CCDC30: variants seen among roughly 807,000 people sequenced by gnomAD.
CCDC30 encodes the protein coiled-coil domain-containing protein 30.
A neutral mutation model predicts 100.2 loss-of-function variants in CCDC30; 70 were observed. The observed-to-expected ratio is 0.70, with a 90% CI of 0.58 to 0.85. The LOEUF (loss-of-function observed/expected upper bound fraction) is 0.85, where lower values mean the gene tolerates loss of function less well. Ranked by LOEUF, CCDC30 falls within the 40% of genes least tolerant of loss-of-function variation. CCDC30 has a pLI of 0.00. For missense variants in CCDC30, 652 were observed against 771.2 expected (o/e 0.85, Z 1.83); for synonymous variants, 233 against 269.5 (o/e 0.86, Z 1.33).
intron 6 of CCDC30, among the ~76,000 whole-genome samples, chr1:42,501,452 A>C (rs930850251): frequency 6.6e-6 from 1 of 152,158 alleles, no homozygotes. Context: ...TCTTCTCTCA[A>C]CTCATCAAAG....
chr1:42,466,373 G>C (rs1185577603), intron 1 of CCDC30, among the ~76,000 whole-genome samples: 1 of 152,098 alleles, frequency 6.6e-6, no homozygotes, highest in Non-Finnish European at 1.5e-5. Context: ...TCCTCTTCTC[G>C]TTTAAAATTC....
chr1:42,590,875 G>C (rs1410981421), intron 10 of CCDC30: 1 of 152,192 alleles, frequency 6.6e-6, no homozygotes. Context: ...TTGGGAACTG[G>C]AATAAACGTC....
Position 42,647,792 on chromosome 1 carries a change from C to A in CCDC30, c.1854+1475C>A, listed in dbSNP as rs181445779. 2.0e-3 allele frequency among the ~76,000 whole-genome samples: 311 copies of A among 152,162 alleles called. 1 individual carries two copies. Among genetic ancestry groups the A allele is most frequent in the Non-Finnish European group, 3.1e-3 (210 of 67,994 alleles). ...AAAAACCTTGGAAACTACACAAACA[C>A]ATGGAAATAAAACAACATATTCCCA... is the stretch of plus-strand genomic sequence containing the variant. On this transcript the variant is annotated intron_variant, in intron 15 of 16. Coordinates refer to ENST00000668663, the Ensembl canonical transcript of CCDC30.
chr1:42,468,155 G>A (rs577998169), intron 1 of CCDC30, among the ~76,000 whole-genome samples: 1 of 152,206 alleles, frequency 6.6e-6, no homozygotes, highest in East Asian at 1.9e-4. Context: ...GTTGTGTGAG[G>A]GACAGAAAGC....
At chr1:42,623,671 T>C (rs972804809) in intron 11 of CCDC30, among the ~76,000 whole-genome samples, 2 of 152,170 alleles carry the variant, frequency 1.3e-5, no homozygotes, top group African/African-American at 4.8e-5. Context: ...TAATGTGATT[T>C]CTCCAGTTTT....
chr1:42,593,806 CTT>C (rs1418175456), intron 10 of CCDC30: 1 of 152,276 alleles, frequency 6.6e-6, no homozygotes, highest in African/African-American at 2.4e-5. Context: ...AGAAAAATGA[CTT>C]TTCCTTCCCT....
chr1:42,590,558 T>G (rs116128797), intron 10 of CCDC30: 7,791 of 152,152 alleles, frequency 0.051, 318 homozygotes, highest in Non-Finnish European at 0.067. Flanking sequence ...CTGGGCAACA[T>G]AGTGAGCCCT....
chr1:42,609,460 G>T (rs1224957167), intron 10 of CCDC30, among the ~76,000 whole-genome samples: 1 of 152,158 alleles, frequency 6.6e-6, no homozygotes, highest in Non-Finnish European at 1.5e-5. Context: ...TTTCAACTGT[G>T]TGGGGGGTCA....
At chr1:42,634,270 A>AC (rs1553127018) in intron 11 of CCDC30, among the ~76,000 whole-genome samples, 5 of 140,574 alleles carry the variant, frequency 3.6e-5, no homozygotes, top group Non-Finnish European at 6.2e-5. Context: ...AAAAAAAAAA[A>AC]AAAACAAAAC....
rs147050676 is a variant in CCDC30, at chr1:42,653,832, G to A, written c.1937G>A (p.Gly646Asp). 1.0e-4 allele frequency: 166 copies of A among 1,613,758 alleles called. No homozygotes were observed. Among genetic ancestry groups the A allele is most frequent in the Admixed American group, 6.7e-5 (4 of 59,984 alleles). The stretch of plus-strand genomic sequence containing the variant: ...GCATTTCTTAGTTTTTCAGGAAAAG[G>A]TTTGGTAGAGTCATTTGCAAGTCTT... Residue 646 changes from glycine (G) to aspartate (D), a missense_variant, in exon 17 of 17, where the codon GGT becomes GAT. Physicochemically the swap from Gly to Asp is moderately conservative, Grantham distance 94. Coordinates refer to ENST00000668663, the Ensembl canonical transcript of CCDC30.
At chr1:42,654,428 C>T (rs1173665447), downstream of CCDC30, 1 of 173,734 alleles carries the variant, frequency 5.8e-6, no homozygotes, top group Non-Finnish European at 1.2e-5. Context: ...GTGGCTCACG[C>T]CTATAATCCC....
intron 11 of CCDC30, among the ~76,000 whole-genome samples, chr1:42,627,996 G>A (rs2148665236): frequency 6.6e-6 from 1 of 152,286 alleles, no homozygotes; most frequent in Middle Eastern, 3.4e-3. Flanking sequence ...TCCACTGGCA[G>A]TTTGCACCAT....
At chr1:42,471,041 A>C (rs1405066872) in intron 1 of CCDC30, among the ~76,000 whole-genome samples, 1 of 152,214 alleles carries the variant, frequency 6.6e-6, no homozygotes. Flanking sequence ...TTAGGATGGC[A>C]GGGTTTCAAC....
chr1:42,458,066 G>A, the CCDC30 span, among the ~76,000 whole-genome samples: 1,068 of 152,228 alleles, frequency 7.0e-3, 15 homozygotes, highest in African/African-American at 0.024. Context: ...GTGGGCAGTG[G>A]GCTGTGAACC....
intron 1 of CCDC30, 149 bp downstream of exon 1, chr1:42,464,047 C>G (rs1286572359): frequency 6.6e-6 from 1 of 152,262 alleles, no homozygotes; most frequent in Non-Finnish European, 1.5e-5. Context: ...GTCTGCACCA[C>G]CTCTGTCATC....
chr1:42,493,522 G>T (rs920826445), intron 4 of CCDC30, among the ~76,000 whole-genome samples: 1 of 152,148 alleles, frequency 6.6e-6, no homozygotes, highest in Non-Finnish European at 1.5e-5. Context: ...GGGAGGCAGA[G>T]GTTGCAGTGA....
intron 10 of CCDC30, among the ~76,000 whole-genome samples, chr1:42,606,033 G>A (rs377766984): frequency 2.0e-5 from 3 of 152,234 alleles, no homozygotes; most frequent in Admixed American, 6.5e-5. Context: ...CGTTGTGAAA[G>A]CGTATATGTA....
chr1:42,644,861 A>G, intron 14 of CCDC30, 54 bp downstream of exon 18: 1 of 1,122,842 alleles, frequency 8.9e-7, no homozygotes, highest in South Asian at 1.2e-5. Context: ...TCGGGTTGCT[A>G]CGGCTGCTGT....
intron 2 of CCDC30, 74 bp downstream of exon 2, chr1:42,480,640 T>C (rs1045327588): frequency 1.0e-5 from 10 of 983,570 alleles, no homozygotes; most frequent in African/African-American, 1.7e-5. Flanking sequence ...ATTTATATAT[T>C]GAATTTTGTT....
Sources: gnomAD v4.1 joint callset for allele counts (sites outside exome capture counted in the v4.1 genomes callset) on GRCh38, gnomAD v4.1.1 for gene constraint, MANE v1.5 for transcripts, NCBI Gene and HGNC (gene_info 2026-07-23, HGNC 2026-07-21) for gene names.